Variants in CHST11 observed in about 807,000 individuals in gnomAD.
The protein encoded by CHST11 is carbohydrate sulfotransferase 11.
Under a neutral mutation model 30.4 loss-of-function variants are expected in CHST11, and 9 were observed. The observed-to-expected ratio is 0.30, with a 90% CI of 0.18 to 0.52. CHST11 has a LOEUF of 0.52. CHST11 is among the 20% of genes least tolerant of loss of function. CHST11 has a pLI of 0.97. For synonymous variants in CHST11, 152 were observed against 187.8 expected (o/e 0.81, Z 1.56); for missense variants, 348 against 460.6 (o/e 0.76, Z 2.24).
intron 2 of CHST11, among the ~76,000 whole-genome samples, chr12:104,722,532 G>A (rs1407307356): frequency 6.6e-6 from 1 of 152,106 alleles, no homozygotes; most frequent in Admixed American, 6.6e-5. Flanking sequence ...TGGATGAATT[G>A]TGCCTTTGCA....
chr12:104,681,513 A>C (rs929389405), intron 2 of CHST11, among the ~76,000 whole-genome samples: 2 of 152,218 alleles, frequency 1.3e-5, no homozygotes, highest in African/African-American at 4.8e-5. Context: ...CAACTCTGTA[A>C]ATACATGAAA....
intron 2 of CHST11, among the ~76,000 whole-genome samples, chr12:104,740,300 T>TA (rs2040336331): frequency 6.6e-6 from 1 of 152,238 alleles, no homozygotes. Flanking sequence ...GTTGTCAAAA[T>TA]ACTCCTCTGA....
At chr12:104,488,484 AGT>A (rs1022050529) in intron 1 of CHST11, among the ~76,000 whole-genome samples, 1 of 140,002 alleles carries the variant, frequency 7.1e-6, no homozygotes, top group South Asian at 2.3e-4. Flanking sequence ...CATGTGTATG[AGT>A]GTGTGTATGT....
At chr12:104,519,443 C>T (rs12581952) in intron 1 of CHST11, among the ~76,000 whole-genome samples, 3,635 of 152,204 alleles carry the variant, frequency 0.024, 143 homozygotes, top group East Asian at 0.17. Context: ...TGCCCCAGTG[C>T]GTCATCATAA....
chr12:104,536,573 G>A (rs767777073), intron 1 of CHST11, among the ~76,000 whole-genome samples: 5 of 152,222 alleles, frequency 3.3e-5, no homozygotes, highest in Non-Finnish European at 7.3e-5. Flanking sequence ...TTGATCGGGA[G>A]GAGTCTGGAT....
intron 1 of CHST11, among the ~76,000 whole-genome samples, chr12:104,544,072 T>G (rs1233938597): frequency 1.4e-5 from 2 of 147,034 alleles, no homozygotes; most frequent in Non-Finnish European, 3.0e-5. Context: ...TGCAGTGAGC[T>G]ATGGTTGAAT....
chr12:104,640,479 G>A (rs1476761569), intron 2 of CHST11, among the ~76,000 whole-genome samples: 1 of 152,176 alleles, frequency 6.6e-6, no homozygotes, highest in Non-Finnish European at 1.5e-5. Context: ...AATCTGAAAA[G>A]GCTACGTTCT....
rs1292619440 is a variant in CHST11, at chr12:104,513,130, G to T, written c.118+55601G>T. ...GCTTCCAAATGTCATGACTGGGGGGGGGGGGGGTTGGGGGTGGGGAGGGAG... is the reference window on the plus strand; with the variant it reads ...GCTTCCAAATGTCATGACTGGGGGGTGGGGGGGTTGGGGGTGGGGAGGGAG... On this transcript the variant is annotated intron_variant, in intron 1 of 2. Transcript: ENST00000303694. 2.2e-4 allele frequency among the ~76,000 whole-genome samples: 25 copies of T among 113,730 alleles called. 2 individuals are homozygous for T. The highest frequency in any genetic ancestry group is 2.0e-3 in the Admixed American group (24 of 12,022). The allele number at this position is 113,730 out of a possible 152,430, so 74.6% of individuals were successfully genotyped here. A position where few individuals can be genotyped will look rare whatever the true frequency, so the allele number is the denominator to read the frequency against.
At chr12:104,691,338 GTTAGAC>G (rs897340127) in intron 2 of CHST11, among the ~76,000 whole-genome samples, 2 of 152,026 alleles carry the variant, frequency 1.3e-5, no homozygotes, top group Non-Finnish European at 2.9e-5. Context: ...TAAAGTGAGA[GTTAGAC>G]TTCCAGTTCA....
chr12:104,464,646 T>C (rs1254440586), intron 1 of CHST11, among the ~76,000 whole-genome samples: 3 of 152,176 alleles, frequency 2.0e-5, no homozygotes, highest in African/African-American at 7.2e-5. Flanking sequence ...AGCTGGGACT[T>C]ACAGGTGTGC....
chr12:104,682,055 G>C (rs1318451171), intron 2 of CHST11, among the ~76,000 whole-genome samples: 1 of 151,964 alleles, frequency 6.6e-6, no homozygotes, highest in South Asian at 2.1e-4. Context: ...AGATGGTCTC[G>C]ATCTCCTGAC....
rs145503679 is a variant in CHST11, at chr12:104,669,804, C to A, written c.204+67813C>A. On this transcript the variant is annotated intron_variant, in intron 2 of 2. Coordinates refer to ENST00000303694, the MANE Select transcript of CHST11 (RefSeq NM_018413.6). The stretch of plus-strand genomic sequence containing the variant: ...TAGCTTACTTGCTTTGGAGGCCAGC[C>A]TGCCCGTGTCCAGATCCCAGCTCTG... 4.9e-3 allele frequency among the ~76,000 whole-genome samples: 752 copies of A among 152,294 alleles called. 5 individuals are homozygous for A. Among genetic ancestry groups the A allele is most frequent in the African/African-American group, 0.017 (717 of 41,562 alleles).
intron 2 of CHST11, among the ~76,000 whole-genome samples, chr12:104,650,511 A>T (rs2695998): frequency 1.3e-5 from 2 of 152,036 alleles, no homozygotes; most frequent in Non-Finnish European, 2.9e-5. Flanking sequence ...ACCTATGTCT[A>T]TGAGAGGAGT....
intron 1 of CHST11, among the ~76,000 whole-genome samples, chr12:104,488,622 C>T (rs1203344250): frequency 3.8e-5 from 3 of 79,694 alleles, no homozygotes; most frequent in Non-Finnish European, 5.4e-5. Context: ...TGTATGTGTG[C>T]ATGTATGTGT....
intron 2 of CHST11, among the ~76,000 whole-genome samples, chr12:104,742,075 G>C (rs567975547): frequency 6.6e-6 from 1 of 152,324 alleles, no homozygotes; most frequent in South Asian, 2.1e-4. Context: ...TATGTGCCAG[G>C]TACCATGCTA....
At position 104,457,248 on chromosome 12, in the gene CHST11, C is replaced by G. The variant is rs543877757; in HGVS notation, c.-164C>G. 3.3e-4 allele frequency: 193 copies of G among 586,448 alleles called. No individual in the cohort carries two copies. Among genetic ancestry groups the G allele is most frequent in the Non-Finnish European group, 5.2e-4 (172 of 328,602 alleles). 36.3% of individuals were successfully genotyped at this position (586,448 alleles called of 1,614,324 possible). On this transcript the variant is annotated 5_prime_UTR_variant, in exon 1 of 3. Transcript: ENST00000303694. ...GGCACCTTCCACACCCCTGCCCGGG[C>G]TGGGGGCTCCGAGAGCGGCCGCGAA...
Position 104,599,011 on chromosome 12 carries a change from C to T in CHST11, c.119-2895C>T, listed in dbSNP as rs111366614. On this transcript the variant is annotated intron_variant, in intron 1 of 2. Coordinates refer to ENST00000303694, the MANE Select transcript of CHST11 (RefSeq NM_018413.6). ...CAAGTGCCTGCAGCTAAGGGAGGCG[C>T]GGAGGGGTTATCTGTAAAATGCAGG... Among the ~76,000 whole-genome samples the T allele has an allele frequency of 6.3e-3, 949 of 151,786 alleles. 12 individuals carry two copies. The highest frequency in any genetic ancestry group is 0.022 in the African/African-American group (903 of 41,408).
At chr12:104,662,939 G>T (rs190384850) in intron 2 of CHST11, among the ~76,000 whole-genome samples, 1 of 152,236 alleles carries the variant, frequency 6.6e-6, no homozygotes, top group African/African-American at 2.4e-5. Flanking sequence ...TGGAGGCATT[G>T]TGTGAATTAG....
Position 104,579,538 on chromosome 12 carries a change from G to A in CHST11, c.119-22368G>A, listed in dbSNP as rs143416060. ...GGAACAGACAATGAAACAGGCATTC[G>A]TTATTATCATTCCCATGTCAGAAAT... On this transcript the variant is annotated intron_variant, in intron 1 of 2. Transcript: ENST00000303694. Among the ~76,000 whole-genome samples the A allele has an allele frequency of 2.8e-3, 428 of 152,320 alleles. 4 individuals are homozygous for A. Among genetic ancestry groups the A allele is most frequent in the African/African-American group, 9.7e-3 (404 of 41,582 alleles).
Sources: gnomAD v4.1 joint callset for allele counts (sites outside exome capture counted in the v4.1 genomes callset) on GRCh38, gnomAD v4.1.1 for gene constraint, MANE v1.5 for transcripts, NCBI Gene and HGNC (gene_info 2026-07-23, HGNC 2026-07-21) for gene names.